Variants in SOX6 observed in about 807,000 individuals in gnomAD.
The protein encoded by SOX6 is transcription factor SOX-6.
In SOX6, 11 loss-of-function variants were observed where a neutral mutation model predicts 97.8. The observed-to-expected ratio is 0.11, with a 90% CI of 0.07 to 0.19. The LOEUF (loss-of-function observed/expected upper bound fraction) is 0.19. SOX6 is among the 10% of genes least tolerant of loss of function. SOX6 has a pLI of 1.00. For synonymous variants in SOX6, 360 were observed against 371.4 expected (o/e 0.97, Z 0.35); for missense variants, 810 against 1,039.5 (o/e 0.78, Z 3.04).
At chr11:16,251,624 T>C (rs1371929247) in intron 3 of SOX6, among the ~76,000 whole-genome samples, 1 of 152,124 alleles carries the variant, frequency 6.6e-6, no homozygotes, top group Non-Finnish European at 1.5e-5. Context: ...TGACTCCAGG[T>C]CCTGATTGCC....
At chr11:15,988,914 G>GT (rs1853952802) in intron 14 of SOX6, 83 bp downstream of exon 14, 1 of 1,361,388 alleles carries the variant, frequency 7.3e-7, no homozygotes, top group Non-Finnish European at 1.0e-6. Flanking sequence ...TAGGATCCTA[G>GT]TTATCCCCTT....
At chr11:16,452,946 G>A (rs1277861043) in intron 1 of SOX6, among the ~76,000 whole-genome samples, 1 of 152,122 alleles carries the variant, frequency 6.6e-6, no homozygotes, top group African/African-American at 2.4e-5. Context: ...TGAGGGAGAT[G>A]AGTTCATGAG....
chr11:16,043,588 C>T (rs1474522383), intron 12 of SOX6, among the ~76,000 whole-genome samples: 1 of 152,156 alleles, frequency 6.6e-6, no homozygotes, highest in Non-Finnish European at 1.5e-5. Flanking sequence ...ATATATGATT[C>T]TATAAGTACT....
At chr11:16,180,425 A>G (rs1052146723) in intron 6 of SOX6, among the ~76,000 whole-genome samples, 2 of 151,700 alleles carry the variant, frequency 1.3e-5, no homozygotes, top group African/African-American at 4.8e-5. Context: ...ATATTCCATG[A>G]CCTATTAGTT....
upstream of SOX6, among the ~76,000 whole-genome samples, chr11:16,480,501 A>G (rs1860324624): frequency 1.3e-5 from 2 of 152,168 alleles, no homozygotes; most frequent in Non-Finnish European, 2.9e-5. Context: ...CACTCTACCA[A>G]AAATAGGTAA....
chr11:16,232,328 G>A (rs991524429), intron 4 of SOX6, among the ~76,000 whole-genome samples: 5 of 151,746 alleles, frequency 3.3e-5, no homozygotes, highest in African/African-American at 1.2e-4. Context: ...TTCTGTAAAA[G>A]ATATTAGGAT....
At chr11:16,642,904 T>C (rs1167940788) in intron 3 of SOX6, among the ~76,000 whole-genome samples, 2 of 152,226 alleles carry the variant, frequency 1.3e-5, no homozygotes, top group African/African-American at 2.4e-5. Context: ...GAAGCCTTCT[T>C]CTCTGAACTC....
rs1565180671 is a variant in SOX6 at position 16,560,546 on chromosome 11, CATATGTTTATACGT to C, written n.609+51521_609+51534del. Among the ~76,000 whole-genome samples the C allele has an allele frequency of 5.1e-4, 20 of 38,920 alleles. 3 individuals carry two copies. Among genetic ancestry groups the C allele is most frequent in the African/African-American group, 1.1e-3 (11 of 9,876 alleles). The allele number at this position is 38,920 out of a possible 152,430, so 25.5% of individuals were successfully genotyped here. A position where few individuals can be genotyped will look rare whatever the true frequency, so the allele number is the denominator to read the frequency against. ...ATACGTACATATATGTTTATACGTA[CATATGTTTATACGT>C]ACATATATGTTTATACGTACATATA... On this transcript the variant is annotated intron_variant and non_coding_transcript_variant, in intron 4 of 5. Transcript: ENST00000524520.
intron 15 of SOX6, among the ~76,000 whole-genome samples, chr11:15,976,454 A>T (rs1853489854): frequency 3.9e-5 from 6 of 152,198 alleles, no homozygotes; most frequent in Admixed American, 3.9e-4. Context: ...GAGTAGACGA[A>T]AATGTTAATT....
chr11:16,381,397 C>A (rs917377564), intron 1 of SOX6, among the ~76,000 whole-genome samples: 1 of 151,964 alleles, frequency 6.6e-6, no homozygotes, highest in Non-Finnish European at 1.5e-5. Context: ...TCAACAAATT[C>A]TTTATCAAAA....
Position 16,622,263 on chromosome 11 carries a change from T to C in SOX6, n.430-10003A>G, listed in dbSNP as rs189632513. Among the ~76,000 whole-genome samples, 9 of 152,320 alleles carry C rather than the reference T, an allele frequency of 5.9e-5. No individual in the cohort carries two copies. In the East Asian group the frequency reaches 1.5e-3, roughly 26 times the overall value. On this transcript the variant is annotated intron_variant and non_coding_transcript_variant, in intron 3 of 5. Coordinates refer to the SOX6 transcript ENST00000524520. ...TAAGTATATTTTAAGCTTTTGTGTATACTGATTTATTTTATTTATTTCAAT... is the reference window on the plus strand; with the variant it reads ...TAAGTATATTTTAAGCTTTTGTGTACACTGATTTATTTTATTTATTTCAAT...
intron 4 of SOX6, among the ~76,000 whole-genome samples, chr11:16,519,505 T>G (rs1394916392): frequency 6.6e-6 from 1 of 152,162 alleles, no homozygotes; most frequent in Non-Finnish European, 1.5e-5. Flanking sequence ...GTTCCATCGA[T>G]GTTGCTGCAA....
At chr11:16,628,997 C>T (rs1848666135) in intron 3 of SOX6, among the ~76,000 whole-genome samples, 3 of 152,180 alleles carry the variant, frequency 2.0e-5, no homozygotes, top group Non-Finnish European at 1.5e-5. Context: ...GAGCCTTTTG[C>T]CAGAGTCTTC....
intron 6 of SOX6, among the ~76,000 whole-genome samples, chr11:16,147,666 A>T (rs2134051022): frequency 6.6e-6 from 1 of 152,136 alleles, no homozygotes; most frequent in South Asian, 2.1e-4. Context: ...CCAAATGCAA[A>T]CTTAAATGAA....
At chr11:16,363,059 T>G (rs1348683717) in intron 1 of SOX6, among the ~76,000 whole-genome samples, 1 of 152,200 alleles carries the variant, frequency 6.6e-6, no homozygotes, top group Non-Finnish European at 1.5e-5. Flanking sequence ...TTCTAGCTTC[T>G]GAGGATAAAG....
At chr11:16,483,650 C>G (rs1164396393) in intron 4 of SOX6, among the ~76,000 whole-genome samples, 1 of 150,828 alleles carries the variant, frequency 6.6e-6, no homozygotes, top group Non-Finnish European at 1.5e-5. Context: ...CTGAGTGACA[C>G]AGGCTATACT....
rs559675057 is a variant in SOX6 at position 16,095,340 on chromosome 11, C to A, written c.1101+656G>T. On this transcript the variant is annotated intron_variant, in intron 9 of 15. Transcript: ENST00000683767. ...AAAGGTCTTGGTTTTCATAAGCCAT[C>A]TTCTCTCAGTGGTAAGAATATCCCA... is the stretch of plus-strand genomic sequence containing the variant. Among the ~76,000 whole-genome samples the A allele has an allele frequency of 2.0e-5, 3 of 151,804 alleles. No homozygotes were observed. In the South Asian group the frequency reaches 6.2e-4, roughly 32 times the overall value.
intron 1 of SOX6, among the ~76,000 whole-genome samples, chr11:16,387,642 C>T (rs1232615282): frequency 6.6e-6 from 1 of 152,000 alleles, no homozygotes; most frequent in Non-Finnish European, 1.5e-5. Flanking sequence ...ATTTTGCTTT[C>T]ATAATATTTG....
chr11:16,132,377 AG>A (rs1849796744), intron 6 of SOX6, among the ~76,000 whole-genome samples: 6 of 96,402 alleles, frequency 6.2e-5, no homozygotes, highest in East Asian at 4.4e-4. Context: ...AAAGAAAGAA[AG>A]AAAGAAAGAA....
Sources: gnomAD v4.1 joint callset for allele counts (sites outside exome capture counted in the v4.1 genomes callset) on GRCh38, gnomAD v4.1.1 for gene constraint, MANE v1.5 for transcripts, NCBI Gene and HGNC (gene_info 2026-07-23, HGNC 2026-07-21) for gene names.